The following ZNF385D variants were observed in gnomAD, a reference collection of about 807,000 sequenced individuals.
The protein encoded by ZNF385D is zinc finger protein 385D.
A neutral mutation model predicts 35.8 loss-of-function variants in ZNF385D; 15 were observed. The observed-to-expected ratio is 0.42, with a 90% CI of 0.28 to 0.64. ZNF385D has a LOEUF of 0.64. Ranked by LOEUF, ZNF385D falls within the 30% of genes least tolerant of loss-of-function variation. ZNF385D has a pLI of 0.23. For missense variants in ZNF385D, 474 were observed against 494.6 expected, an observed-to-expected ratio of 0.96 and a Z score of 0.39; for synonymous variants, 212 against 186.8, an observed-to-expected ratio of 1.13 and a Z score of -1.10.
chr3:22,101,482 A>C (rs907203391), intron 3 of ZNF385D, among the ~76,000 whole-genome samples: 1 of 152,092 alleles, frequency 6.6e-6, no homozygotes, highest in Non-Finnish European at 1.5e-5. Context: ...TATTGCTAGT[A>C]ATCAGCAGAT....
At chr3:21,601,417 A>G (rs550971798) in intron 2 of ZNF385D, among the ~76,000 whole-genome samples, 1 of 152,368 alleles carries the variant, frequency 6.6e-6, no homozygotes, top group East Asian at 1.9e-4. Flanking sequence ...AAAGTGTTAC[A>G]GGGAAACCTC....
chr3:21,602,121 G>A (rs114390857), intron 2 of ZNF385D, among the ~76,000 whole-genome samples: 3,801 of 152,242 alleles, frequency 0.025, 48 homozygotes, highest in African/African-American at 0.035. Context: ...AAGAGAGCGT[G>A]TGCAGGGGAA....
chr3:21,681,508 G>T (rs982540741), intron 1 of ZNF385D, among the ~76,000 whole-genome samples: 13 of 151,430 alleles, frequency 8.6e-5, no homozygotes, highest in African/African-American at 3.1e-4. Context: ...TACCTCAAGG[G>T]GAGAGCTTAG....
chr3:21,772,736 G>A (rs2071128902), intron 3 of ZNF385D, among the ~76,000 whole-genome samples: 1 of 151,888 alleles, frequency 6.6e-6, no homozygotes, highest in Admixed American at 6.6e-5. Flanking sequence ...AAATAGAGTT[G>A]CAAAGAGATA....
chr3:21,632,318 A>C (rs989592234), intron 2 of ZNF385D, among the ~76,000 whole-genome samples: 1 of 152,274 alleles, frequency 6.6e-6, no homozygotes, highest in Non-Finnish European at 1.5e-5. Flanking sequence ...GGGTGAGATA[A>C]CAAAATTGGT....
intron 3 of ZNF385D, among the ~76,000 whole-genome samples, chr3:21,902,109 C>T (rs990230065): frequency 1.3e-5 from 2 of 152,106 alleles, no homozygotes; most frequent in African/African-American, 4.8e-5. Context: ...AAGTTTCTTT[C>T]ATTCATGACA....
chr3:21,611,999 T>C (rs1009330720), intron 2 of ZNF385D, among the ~76,000 whole-genome samples: 27 of 152,332 alleles, frequency 1.8e-4, no homozygotes, highest in African/African-American at 6.5e-4. Context: ...CTTGTGAGCA[T>C]CTACTAAAAG....
At chr3:22,277,679 T>C (rs1701497892) in intron 2 of ZNF385D, among the ~76,000 whole-genome samples, 1 of 152,110 alleles carries the variant, frequency 6.6e-6, no homozygotes, top group Non-Finnish European at 1.5e-5. Flanking sequence ...TTAGCACAAA[T>C]GTTTTTTACA....
chr3:21,729,571 G>C (rs2068905989), intron 1 of ZNF385D, among the ~76,000 whole-genome samples: 1 of 152,114 alleles, frequency 6.6e-6, no homozygotes, highest in African/African-American at 2.4e-5. Context: ...TAAGGTTTGG[G>C]CTCACCCAGT....
chr3:22,015,035 T>A (rs1359171407), intron 3 of ZNF385D, among the ~76,000 whole-genome samples: 2 of 152,170 alleles, frequency 1.3e-5, no homozygotes, highest in South Asian at 4.1e-4. Flanking sequence ...CATATATCAC[T>A]GTGTAATTTC....
chr3:22,098,328 A>G (rs1038207885), intron 3 of ZNF385D, among the ~76,000 whole-genome samples: 1 of 152,088 alleles, frequency 6.6e-6, no homozygotes, highest in Admixed American at 6.6e-5. Context: ...TACTTTAAGA[A>G]AATTCAAGAA....
intron 4 of ZNF385D, among the ~76,000 whole-genome samples, chr3:21,457,854 G>T (rs1702916883): frequency 6.6e-6 from 1 of 152,010 alleles, no homozygotes; most frequent in South Asian, 2.1e-4. Flanking sequence ...GTTTCCAAAG[G>T]CCAACAGCTA....
chr3:21,639,805 ATAGT>A lies in ZNF385D; in HGVS notation c.165+25077_165+25080del, dbSNP rs1411083114. 3.0e-4 allele frequency among the ~76,000 whole-genome samples: 46 copies of A among 152,118 alleles called. 1 individual carries two copies. In the East Asian group the frequency reaches 6.4e-3, roughly 21 times the overall value. On this transcript the variant is annotated intron_variant, in intron 2 of 7. Coordinates refer to ENST00000281523, the MANE Select transcript of ZNF385D (RefSeq NM_024697.3). ...TTTGATTAAAGTCTAATTATATATA[ATAGT>A]TATAGATTTTTTATTTTAAAAATGT...
intron 3 of ZNF385D, among the ~76,000 whole-genome samples, chr3:22,060,721 A>G (rs1289347714): frequency 1.3e-5 from 2 of 152,076 alleles, no homozygotes; most frequent in African/African-American, 4.8e-5. Context: ...GATATATAAT[A>G]TAGATTATTA....
chr3:21,817,565 C>T (rs1575707757), intron 3 of ZNF385D, among the ~76,000 whole-genome samples: 1 of 152,126 alleles, frequency 6.6e-6, no homozygotes, highest in Admixed American at 6.5e-5. Flanking sequence ...CCAACAGACA[C>T]ATGAAAAAAT....
chr3:22,246,715 C>T (rs1456842347), intron 2 of ZNF385D, among the ~76,000 whole-genome samples: 4 of 151,968 alleles, frequency 2.6e-5, no homozygotes, highest in Non-Finnish European at 4.4e-5. Flanking sequence ...ATTTTTTATT[C>T]TTATTATGAA....
At chr3:21,607,182 CACAT>C (rs1417619460) in intron 2 of ZNF385D, among the ~76,000 whole-genome samples, 2 of 152,000 alleles carry the variant, frequency 1.3e-5, no homozygotes, top group East Asian at 1.9e-4. Context: ...TATATAGATA[CACAT>C]ACAAATATAT....
At chr3:21,808,745 G>A (rs1184033898) in intron 3 of ZNF385D, among the ~76,000 whole-genome samples, 2 of 152,260 alleles carry the variant, frequency 1.3e-5, no homozygotes, top group South Asian at 4.1e-4. Flanking sequence ...TTAAATCAGT[G>A]TTCAGAGTCC....
At chr3:22,289,956 T>C (rs1015268499) in intron 2 of ZNF385D, among the ~76,000 whole-genome samples, 21 of 152,132 alleles carry the variant, frequency 1.4e-4, no homozygotes, top group African/African-American at 4.8e-4. Flanking sequence ...TGAAAGAGTT[T>C]GTGGAAAAAA....
Sources: gnomAD v4.1 joint callset for allele counts (sites outside exome capture counted in the v4.1 genomes callset) on GRCh38, gnomAD v4.1.1 for gene constraint, MANE v1.5 for transcripts, NCBI Gene and HGNC (gene_info 2026-07-23, HGNC 2026-07-21) for gene names.